The following CABP4 variants were observed in gnomAD, a reference collection of about 807,000 sequenced individuals.
CABP4 encodes calcium binding protein 4.
CABP4 carries 30 observed loss-of-function variants against 30.7 expected under a neutral mutation model. That is an observed-to-expected ratio of 0.98 (90% CI 0.73 to 1.33). The LOEUF (loss-of-function observed/expected upper bound fraction) is 1.33. Among genes scored for constraint, CABP4 ranks in the 40% most tolerant of loss-of-function variants. The pLI is 0.00. For synonymous variants in CABP4, 161 were observed against 159.2 expected (o/e 1.01, Z -0.08); for missense variants, 424 against 395.5 (o/e 1.07, Z -0.61).
Position 67,458,828 on chromosome 11 carries a change from C to T in CABP4, c.*169C>T, listed in dbSNP as rs1591005987. On this transcript the variant is annotated 3_prime_UTR_variant, in exon 6 of 6. Coordinates refer to ENST00000325656, the MANE Select transcript of CABP4 (RefSeq NM_145200.5). ...CAATGTTGGCTTGTTATGTTACCTG[C>T]CCACCCTCATCCTTACCTCCTCCTA... The T allele has an allele frequency of 1.3e-6, 1 of 772,970 alleles. No homozygotes were observed. The highest frequency in any genetic ancestry group is 2.7e-5 in the East Asian group (1 of 37,302). 47.9% of individuals were successfully genotyped at this position (772,970 alleles called of 1,614,324 possible). A position where few individuals can be genotyped will look rare whatever the true frequency, so the allele number is the denominator to read the frequency against.
chr11:67,456,432 C>A lies in CABP4; in HGVS notation c.531C>A (p.Ile177=), dbSNP rs754194692. ...EMELLEVSQH[I]KMRMGGRVDF... Reference sequence around the variant, plus strand: ...AGCTCCTGGAGGTCTCGCAGCACATCAAGATGCGCAGTCAGTCAGGGAGCC... The same window carrying A: ...AGCTCCTGGAGGTCTCGCAGCACATAAAGATGCGCAGTCAGTCAGGGAGCC... Residue 177 remains isoleucine, a synonymous_variant, in exon 3 of 6, where the codon ATC becomes ATA. Transcript: ENST00000325656. 62 of 1,611,236 alleles carry A rather than the reference C, an allele frequency of 3.8e-5. No homozygotes were observed. The Middle Eastern group carries it at 4.9e-4, about 13-fold the overall frequency.
At chr11:67,456,595 G>A (rs959033733) in intron 3 of CABP4, among the ~76,000 whole-genome samples, 153 bp downstream of exon 3, 2 of 152,214 alleles carry the variant, frequency 1.3e-5, no homozygotes, top group South Asian at 4.1e-4. Flanking sequence ...TCAAGCTCCT[G>A]CCTCTCTGTG....
chr11:67,457,728 C>T (rs755673472), intron 4 of CABP4, 46 bp downstream of exon 4: 1 of 1,463,662 alleles, frequency 6.8e-7, no homozygotes, highest in South Asian at 1.2e-5. Context: ...GGCTGGGTGG[C>T]ATCCTTGCTG....
upstream of CABP4, chr11:67,452,460 G>A: frequency 6.2e-7 from 1 of 1,612,290 alleles, no homozygotes. Flanking sequence ...CGGATCTCTA[G>A]GATCTGGAAG....
upstream of CABP4, among the ~76,000 whole-genome samples, chr11:67,453,992 G>T (rs1311478717): frequency 6.6e-6 from 1 of 152,134 alleles, no homozygotes; most frequent in Non-Finnish European, 1.5e-5. Context: ...CACAGCCTGG[G>T]GTCAGGAGGG....
rs1301466073 is a variant in CABP4, at chr11:67,458,385, G to A, written c.666G>A (p.Arg222=). The change falls in exon 5 of 6, where the codon AGG becomes AGA. Residue 222 remains arginine (R), a synonymous_variant. Transcript: ENST00000325656. ...GGGGACCTTAGTTTGACAGGGACAG[G>A]GATGGACGAATTACGGTGGCGGAGC... The part of the protein sequence containing the change: ...RIAFREFDRD[R]DGRITVAELR... 3.1e-6 allele frequency: 5 copies of A among 1,612,250 alleles called. No individual in the cohort carries two copies. The highest frequency in any genetic ancestry group is 1.3e-5 in the African/African-American group (1 of 74,916).
At position 67,458,422 on chromosome 11, in the gene CABP4, G is replaced by T; in HGVS notation, c.703G>T (p.Val235Leu). The change falls in exon 5 of 6, where the codon GTA (valine) becomes TTA (leucine). Residue 235 changes from valine (V) to leucine (L), a missense_variant. Transcript: ENST00000325656. ...TACGGTGGCGGAGCTGCGGGAGGCGGTACCGGCTCTGCTCGGGGAGCCGCT... is the reference window on the plus strand; with the variant it reads ...TACGGTGGCGGAGCTGCGGGAGGCGTTACCGGCTCTGCTCGGGGAGCCGCT... ...RITVAELREAVPALLGEPLAG... is the reference protein window; with the variant it reads ...RITVAELREALPALLGEPLAG... 6.2e-7 allele frequency: 1 copy of T among 1,613,824 alleles called. No homozygotes were observed.
chr11:67,455,873 AG>A, intron 1 of CABP4, 84 bp downstream of exon 1: 2 of 1,487,020 alleles, frequency 1.3e-6, no homozygotes, highest in Non-Finnish European at 1.8e-6. Flanking sequence ...CCTGCCCCTG[AG>A]AGGCCCTCTG....
At chr11:67,457,937 G>C (rs1864879157) in intron 4 of CABP4, among the ~76,000 whole-genome samples, 1 of 152,180 alleles carries the variant, frequency 6.6e-6, no homozygotes, top group Non-Finnish European at 1.5e-5. Flanking sequence ...GTGGGCAGGG[G>C]AGCATCTAGG....
Position 67,455,704 on chromosome 11 carries a change from G to T in CABP4, c.281G>T (p.Arg94Leu), listed in dbSNP as rs143040005. 5.6e-6 allele frequency: 9 copies of T among 1,607,778 alleles called. No homozygotes were observed. The highest frequency in any genetic ancestry group is 5.9e-6 in the Non-Finnish European group (7 of 1,178,396). Reference sequence around the variant, plus strand: ...GCATCCCCTGGGCCGGCCTCTTCTCGCCAGTCCCACCGACATCGTCCTGAC... The same window carrying T: ...GCATCCCCTGGGCCGGCCTCTTCTCTCCAGTCCCACCGACATCGTCCTGAC... ...PPASPGPASSRQSHRHRPDSL... is the reference protein window; with the variant it reads ...PPASPGPASSLQSHRHRPDSL... The change falls in exon 1 of 6, where the codon CGC becomes CTC. Residue 94 changes from arginine to leucine, a missense_variant. By Grantham distance (102) the Arg-to-Leu change is moderately radical. Transcript: ENST00000325656.
chr11:67,452,428 C>A, upstream of CABP4: 1 of 1,612,650 alleles, frequency 6.2e-7, no homozygotes, highest in Admixed American at 1.7e-5. Context: ...CAGCTGTCCC[C>A]AGCGGCCAGT....
Position 67,461,138 on chromosome 11 carries a change from T to TA in CABP4, c.*2486dup, listed in dbSNP as rs1865000852. Among the ~76,000 whole-genome samples the TA allele has an allele frequency of 1.3e-5, 2 of 151,176 alleles. No homozygotes were observed. Among genetic ancestry groups the TA allele is most frequent in the South Asian group, 4.2e-4 (2 of 4,792 alleles). On this transcript the variant is annotated 3_prime_UTR_variant, in exon 6 of 6. Transcript: ENST00000325656. Reference sequence around the variant, plus strand: ...AGACCCTGCCTCTTAAAAAAAATAATAAAAAAATAAGCTGGGTGTAGTGGC... The same window carrying TA: ...AGACCCTGCCTCTTAAAAAAAATAATAAAAAAAATAAGCTGGGTGTAGTGGC...
Position 67,460,901 on chromosome 11 carries a change from C to T in CABP4, c.*2242C>T, listed in dbSNP as rs1165430829. ...TAGGGAGGCTGAGGCAAGAGAATGGCGTGAACCCAGGAGGCGGAGCTTGCA... is the reference window on the plus strand; with the variant it reads ...TAGGGAGGCTGAGGCAAGAGAATGGTGTGAACCCAGGAGGCGGAGCTTGCA... On this transcript the variant is annotated 3_prime_UTR_variant, in exon 6 of 6. Coordinates refer to ENST00000325656, the MANE Select transcript of CABP4 (RefSeq NM_145200.5). 2.7e-5 allele frequency among the ~76,000 whole-genome samples: 4 copies of T among 150,458 alleles called. No homozygotes were observed. Among genetic ancestry groups the T allele is most frequent in the Non-Finnish European group, 4.4e-5 (3 of 67,848 alleles).
chr11:67,460,520 C>T lies in CABP4; in HGVS notation c.*1861C>T, dbSNP rs901795950. Among the ~76,000 whole-genome samples, 11 of 122,522 alleles carry T rather than the reference C, an allele frequency of 9.0e-5. No individual in the cohort carries two copies. The highest frequency in any genetic ancestry group is 6.8e-4 in the African/African-American group (10 of 14,736). 80.4% of individuals were successfully genotyped at this position (122,522 alleles called of 152,430 possible). A position where few individuals can be genotyped will look rare whatever the true frequency, so the allele number is the denominator to read the frequency against. On this transcript the variant is annotated 3_prime_UTR_variant, in exon 6 of 6. Coordinates refer to ENST00000325656, the MANE Select transcript of CABP4 (RefSeq NM_145200.5). ...AAATAAAGTATATTTTATATATACA[C>T]ACACACACACACACACACACACAGC...
In CABP4 at chr11:67,460,858, G is replaced by A. The variant is rs1290471863; in HGVS notation, c.*2199G>A. Among the ~76,000 whole-genome samples the A allele has an allele frequency of 1.3e-5, 2 of 152,000 alleles. No homozygotes were observed. The highest frequency in any genetic ancestry group is 2.9e-5 in the Non-Finnish European group (2 of 68,002). On this transcript the variant is annotated 3_prime_UTR_variant, in exon 6 of 6. Coordinates refer to ENST00000325656, the MANE Select transcript of CABP4 (RefSeq NM_145200.5). ...AAATTAGCTGGGCGTGGTGGCGGGC[G>A]CCTGTAGTCCCAGCTACTAGGGAGG...
upstream of CABP4, chr11:67,455,310 G>A (rs1309628338): frequency 2.1e-6 from 3 of 1,422,648 alleles, no homozygotes; most frequent in Non-Finnish European, 2.8e-6. Context: ...CCCCCTCAGA[G>A]CCCGATCCTA....
chr11:67,458,762 G>A lies in CABP4; in HGVS notation c.*103G>A. 2 of 1,390,676 alleles carry A rather than the reference G, an allele frequency of 1.4e-6. No individual in the cohort carries two copies. The highest frequency in any genetic ancestry group is 2.3e-5 in the East Asian group (1 of 42,930). The allele number at this position is 1,390,676 out of a possible 1,614,324, so 86.1% of individuals were successfully genotyped here. ...CCTCCAGGATGGAGATGGAGACCCA[G>A]CAGCCCCCAGACTACTTCTATCCCT... On this transcript the variant is annotated 3_prime_UTR_variant, in exon 6 of 6. Transcript: ENST00000325656.
intron 1 of CABP4, 173 bp from the exon 2 acceptor site, chr11:67,456,015 C>A: frequency 7.7e-7 from 1 of 1,300,158 alleles, no homozygotes; most frequent in Admixed American, 2.0e-5. Flanking sequence ...GAGCTCCAGG[C>A]TCTAGGAGCA....
chr11:67,458,825 C>A lies in CABP4; in HGVS notation c.*166C>A. On this transcript the variant is annotated 3_prime_UTR_variant, in exon 6 of 6. Coordinates refer to ENST00000325656, the MANE Select transcript of CABP4 (RefSeq NM_145200.5). ...CCTCAATGTTGGCTTGTTATGTTAC[C>A]TGCCCACCCTCATCCTTACCTCCTC... The A allele has an allele frequency of 1.3e-6, 1 of 782,830 alleles. No homozygotes were observed. The highest frequency in any genetic ancestry group is 1.5e-5 in the South Asian group (1 of 66,814). The allele number at this position is 782,830 out of a possible 1,614,324, so 48.5% of individuals were successfully genotyped here.
Sources: allele counts gnomAD v4.1 joint callset (sites outside exome capture counted in the v4.1 genomes callset), GRCh38; gene constraint gnomAD v4.1.1; transcripts MANE v1.5; gene names NCBI Gene and HGNC (gene_info 2026-07-23, HGNC 2026-07-21).